Variants in ENTPD1 observed in about 807,000 individuals in gnomAD.
ENTPD1 encodes the protein ATP diphosphohydrolase.
Under a neutral mutation model 57.0 loss-of-function variants are expected in ENTPD1, and 33 were observed. That is an observed-to-expected ratio of 0.58 (90% CI 0.44 to 0.77). ENTPD1 has a LOEUF of 0.77. Ranked by LOEUF, ENTPD1 falls within the 30% of genes least tolerant of loss-of-function variation. ENTPD1 has a pLI of 0.00. For synonymous variants in ENTPD1, 202 were observed against 218.8 expected (o/e 0.92, Z 0.68); for missense variants, 501 against 603.4 (o/e 0.83, Z 1.78).
chr10:95,826,012 C>T, intron 2 of ENTPD1, among the ~76,000 whole-genome samples: 1 of 152,076 alleles, frequency 6.6e-6, no homozygotes, highest in East Asian at 1.9e-4. Context: ...CAGAGTAAGA[C>T]TCTGTCTCAA....
chr10:95,780,269 G>A (rs184383431), intron 1 of ENTPD1, among the ~76,000 whole-genome samples: 7 of 152,094 alleles, frequency 4.6e-5, no homozygotes, highest in South Asian at 2.1e-4. Context: ...CTAAGTGTCC[G>A]TCAAACATTA....
chr10:95,864,984 C>A, intron 9 of ENTPD1, 123 bp downstream of exon 9: 2 of 1,178,412 alleles, frequency 1.7e-6, no homozygotes, highest in Non-Finnish European at 2.4e-6. Flanking sequence ...TCCTGTTCTG[C>A]CATTCTGCTT....
chr10:95,768,052 G>A (rs570845194), intron 1 of ENTPD1, among the ~76,000 whole-genome samples: 1 of 152,314 alleles, frequency 6.6e-6, no homozygotes, highest in East Asian at 1.9e-4. Flanking sequence ...CCAGATGCTG[G>A]CCCCTTGATC....
At chr10:95,788,478 G>A (rs189544347) in intron 1 of ENTPD1, among the ~76,000 whole-genome samples, 1 of 151,978 alleles carries the variant, frequency 6.6e-6, no homozygotes, top group African/African-American at 2.4e-5. Context: ...TTAGCTGGGC[G>A]TGGTGGTGGG....
At chr10:95,792,310 A>G (rs2098207974) in intron 1 of ENTPD1, among the ~76,000 whole-genome samples, 1 of 152,208 alleles carries the variant, frequency 6.6e-6, no homozygotes, top group South Asian at 2.1e-4. Flanking sequence ...AATTTAGTTT[A>G]AAGATCTCAA....
chr10:95,780,150 A>G (rs554866459), intron 1 of ENTPD1, among the ~76,000 whole-genome samples: 32 of 152,338 alleles, frequency 2.1e-4, no homozygotes, highest in African/African-American at 7.5e-4. Flanking sequence ...TTAACAGAAC[A>G]TACCAAACAT....
chr10:95,754,467 A>G (rs2098017652), upstream of ENTPD1: 1 of 152,056 alleles, frequency 6.6e-6, no homozygotes, highest in African/African-American at 2.4e-5. Context: ...CTTCCCTTTG[A>G]TCATTCTTTT....
At chr10:95,696,318 T>C in the ENTPD1 span, among the ~76,000 whole-genome samples, 1 of 152,238 alleles carries the variant, frequency 6.6e-6, no homozygotes, top group Non-Finnish European at 1.5e-5. Context: ...TCTTGCCCTG[T>C]CACCCAGGCT....
At chr10:95,774,354 T>G (rs2098126020) in intron 1 of ENTPD1, among the ~76,000 whole-genome samples, 1 of 152,234 alleles carries the variant, frequency 6.6e-6, no homozygotes, top group Non-Finnish European at 1.5e-5. Context: ...ATTTGTCTAT[T>G]TTGGCTTTTG....
the ENTPD1 span, among the ~76,000 whole-genome samples, chr10:95,705,548 A>G: frequency 5.3e-5 from 8 of 152,190 alleles, no homozygotes; most frequent in African/African-American, 1.9e-4. Context: ...CTGGAGTGCA[A>G]TGGCGTGAAC....
chr10:95,756,424 T>A, intron 1 of ENTPD1, 169 bp downstream of exon 1: 1 of 778,900 alleles, frequency 1.3e-6, no homozygotes, highest in Non-Finnish European at 2.1e-6. Context: ...TTTGGGAAAC[T>A]TTTTAGGAAG....
At chr10:95,740,325 A>G (rs1049297396) in intron 1 of ENTPD1, among the ~76,000 whole-genome samples, 2 of 152,156 alleles carry the variant, frequency 1.3e-5, no homozygotes, top group African/African-American at 4.8e-5. Context: ...GGGTTTTACC[A>G]TGTTGGCCAG....
At chr10:95,859,996 G>A (rs191611570) in intron 7 of ENTPD1, among the ~76,000 whole-genome samples, 48 of 151,966 alleles carry the variant, frequency 3.2e-4, no homozygotes, top group Non-Finnish European at 5.4e-4. Context: ...GAATAAAGAT[G>A]GATTTTTTAA....
rs533573760 is a variant in ENTPD1, at chr10:95,837,723, T to C, written c.145-1968T>C. Among the ~76,000 whole-genome samples the C allele has an allele frequency of 2.0e-5, 3 of 152,220 alleles. No individual in the cohort carries two copies. The East Asian group carries it at 5.8e-4, about 29-fold the overall frequency. ...CACTCAATAGGCTCTACTTTTAGCT[T>C]TTCCTAGTGGTCCAGGGAGGTCTCT... On this transcript the variant is annotated intron_variant, in intron 2 of 9. Coordinates refer to ENST00000371205, the MANE Select transcript of ENTPD1 (RefSeq NM_001776.6).
At chr10:95,746,575 C>A (rs992864847) in intron 1 of ENTPD1, among the ~76,000 whole-genome samples, 2 of 152,170 alleles carry the variant, frequency 1.3e-5, no homozygotes, top group African/African-American at 4.8e-5. Context: ...TAGTGTGCAG[C>A]TGAAGTTGAG....
At chr10:95,775,314 T>C (rs1490030446) in intron 1 of ENTPD1, among the ~76,000 whole-genome samples, 2 of 152,218 alleles carry the variant, frequency 1.3e-5, no homozygotes, top group Non-Finnish European at 2.9e-5. Context: ...TTGAATACCC[T>C]TTATTTCTTT....
intron 1 of ENTPD1, among the ~76,000 whole-genome samples, chr10:95,735,170 T>G (rs1400774475): frequency 6.6e-6 from 1 of 151,850 alleles, no homozygotes; most frequent in South Asian, 2.1e-4. Flanking sequence ...TAACTAGGAC[T>G]ACAGGTGTGT....
intron 1 of ENTPD1, among the ~76,000 whole-genome samples, chr10:95,805,707 G>A (rs1051877876): frequency 2.8e-4 from 43 of 152,132 alleles, no homozygotes; most frequent in East Asian, 9.6e-4. Context: ...ATCTCTCAGT[G>A]TTTGCTTGTC....
chr10:95,755,577 A>C, upstream of ENTPD1: 1 of 865,018 alleles, frequency 1.2e-6, no homozygotes, highest in East Asian at 2.7e-5. Context: ...CCCATTGAGC[A>C]GCTCCTCTGT....
Sources: allele counts gnomAD v4.1 joint callset (sites outside exome capture counted in the v4.1 genomes callset), GRCh38; gene constraint gnomAD v4.1.1; transcripts MANE v1.5; gene names NCBI Gene and HGNC (gene_info 2026-07-23, HGNC 2026-07-21).